The following NR1H2 variants were observed in gnomAD, a reference collection of about 807,000 sequenced individuals.
The protein encoded by NR1H2 is oxysterols receptor LXR-beta.
In NR1H2, 33 loss-of-function variants were observed where a neutral mutation model predicts 51.2. The ratio of observed to expected loss-of-function variants is 0.64; its 90% CI spans 0.49 to 0.86. The LOEUF (loss-of-function observed/expected upper bound fraction) is 0.86. NR1H2 is among the 40% of genes least tolerant of loss of function. The pLI is 0.00. For missense variants in NR1H2, 592 were observed against 639.9 expected, an observed-to-expected ratio of 0.93 and a Z score of 0.81; for synonymous variants, 310 against 264.3, an observed-to-expected ratio of 1.17 and a Z score of -1.68.
At chr19:50,381,931 G>A (rs773433838) in intron 8 of NR1H2, 35 bp from the exon 9 acceptor site, 67 of 1,524,958 alleles carry the variant, frequency 4.4e-5, no homozygotes, top group Non-Finnish European at 5.8e-5. Flanking sequence ...ACGGTTTCGG[G>A]CTGAGGGAGT....
chr19:50,377,739 G>A lies in NR1H2; in HGVS notation c.50G>A (p.Gly17Asp). Residue 17 changes from glycine to aspartate, a missense_variant, in exon 4 of 10, where the codon GGC (glycine) becomes GAC (aspartate). Coordinates refer to ENST00000253727, the MANE Select transcript of NR1H2 (RefSeq NM_007121.7). ...SSLDTPLPGN[G>D]PPQPGAPSSS... is the part of the protein sequence containing the mutation. ...GGATTCCACCCTCTTCCAGGAAATG[G>A]CCCCCCTCAGCCTGGCGCCCCTTCT... 2 of 1,604,668 alleles carry A rather than the reference G, an allele frequency of 1.2e-6. No homozygotes were observed. The highest frequency in any genetic ancestry group is 1.3e-5 in the African/African-American group (1 of 74,658).
At chr19:50,380,845 C>G (rs541855772) in intron 8 of NR1H2, among the ~76,000 whole-genome samples, 38 of 152,322 alleles carry the variant, frequency 2.5e-4, no homozygotes, top group African/African-American at 8.4e-4. Context: ...CCCTGGAACA[C>G]TGCCAGGGTC....
In NR1H2 at chr19:50,382,850, C is replaced by T. The variant is rs148041442; in HGVS notation, c.*248C>T. 2.3e-6 allele frequency: 1 copy of T among 425,622 alleles called. No homozygotes were observed. The highest frequency in any genetic ancestry group is 2.0e-5 in the African/African-American group (1 of 48,944). The allele number at this position is 425,622 out of a possible 1,614,324, so 26.4% of individuals were successfully genotyped here. ...CTTCCCGGCTGCCCTCCCTCCCCAGCTTACACCTCAAGCCCAGCACGCAGT... is the reference window on the plus strand; with the variant it reads ...CTTCCCGGCTGCCCTCCCTCCCCAGTTTACACCTCAAGCCCAGCACGCAGT... On this transcript the variant is annotated 3_prime_UTR_variant, in exon 10 of 10. Transcript: ENST00000253727.
chr19:50,380,002 AAGGTGAGAGTG>A (rs1322828622), intron 8 of NR1H2, 123 bp downstream of exon 8: 2 of 707,892 alleles, frequency 2.8e-6, no homozygotes, highest in African/African-American at 3.5e-5. Flanking sequence ...GGGTTGAGCC[AAGGTGAGAGTG>A]AGGTAAGAGT....
chr19:50,378,363 G>A lies in NR1H2; in HGVS notation c.396G>A (p.Gln132=). ...CCTGCCGGGGTGGCGGAACCTGCCA[G>A]ATGGACGCTTTCATGCGGCGCAAGT... ...RYACRGGGTC[Q]MDAFMRRKCQ... is the part of the protein sequence containing the mutation. The change falls in exon 5 of 10, where the codon CAG becomes CAA. Residue 132 remains glutamine, a synonymous_variant. Transcript: ENST00000253727. The A allele has an allele frequency of 6.2e-7, 1 of 1,611,502 alleles. No individual in the cohort carries two copies. The highest frequency in any genetic ancestry group is 1.3e-5 in the African/African-American group (1 of 75,032).
chr19:50,379,914 G>A (rs377327929), intron 8 of NR1H2, 35 bp downstream of exon 8: 46 of 1,402,826 alleles, frequency 3.3e-5, no homozygotes, highest in Non-Finnish European at 4.3e-5. Flanking sequence ...GAGGCTTGGC[G>A]CCCCTGCTGG....
At chr19:50,381,628 C>G (rs4802703) in intron 8 of NR1H2, among the ~76,000 whole-genome samples, 1 of 152,060 alleles carries the variant, frequency 6.6e-6, no homozygotes, top group Non-Finnish European at 1.5e-5. Flanking sequence ...ACGATGTGAC[C>G]TAGGTTTTAA....
chr19:50,378,073 G>GATC, intron 4 of NR1H2, 76 bp from the exon 5 acceptor site: 1 of 1,493,348 alleles, frequency 6.7e-7, no homozygotes, highest in South Asian at 1.3e-5. Context: ...TTTGCCTGGG[G>GATC]ATCTCCTGTG....
Position 50,380,596 on chromosome 19 carries a change from G to C in NR1H2, c.1027+717G>C, listed in dbSNP as rs568380580. Among the ~76,000 whole-genome samples the C allele has an allele frequency of 2.0e-5, 3 of 152,044 alleles. No homozygotes were observed. In the East Asian group the frequency reaches 5.8e-4, roughly 29 times the overall value. On this transcript the variant is annotated intron_variant, in intron 8 of 9. Transcript: ENST00000253727. ...CACCCTCTCCCCTTCCTCTTACTCC[G>C]GCCCTTTCACCACCCGAGACGGTCC...
Position 50,378,695 on chromosome 19 carries a change from G to A in NR1H2, c.646G>A (p.Gly216Ser), listed in dbSNP as rs961135139. The change falls in exon 6 of 10, where the codon GGT (glycine) becomes AGT (serine). Residue 216 changes from glycine (G) to serine (S), a missense_variant. Around this residue, in one of 3 missense-constraint regions of NR1H2, gnomAD observed 316 missense variants for 313.4 expected, o/e 1.01. Coordinates refer to ENST00000253727, the MANE Select transcript of NR1H2 (RefSeq NM_007121.7). ...CAGCCAGGGCTCCGGGGAAGGCGAGGGTGTCCAGCTAACAGCGGCTCAAGA... is the reference window on the plus strand; with the variant it reads ...CAGCCAGGGCTCCGGGGAAGGCGAGAGTGTCCAGCTAACAGCGGCTCAAGA... ...AGSQGSGEGE[G>S]VQLTAAQELM... The A allele has an allele frequency of 3.7e-6, 6 of 1,613,668 alleles. No homozygotes were observed. In the East Asian group the frequency reaches 6.7e-5, roughly 18 times the overall value.
chr19:50,382,235 T>G (rs2037782353), intron 9 of NR1H2, 61 bp downstream of exon 9: 1 of 1,444,704 alleles, frequency 6.9e-7, no homozygotes, highest in South Asian at 1.4e-5. Context: ...CGTGGTCCGT[T>G]CAGGCTGGGT....
At chr19:50,377,992 T>TA in intron 4 of NR1H2, 122 bp downstream of exon 4, 1 of 1,430,358 alleles carries the variant, frequency 7.0e-7, no homozygotes, top group Non-Finnish European at 9.3e-7. Context: ...CTCCTTAACA[T>TA]ATACATCTTT....
At chr19:50,381,542 G>A (rs985869983) in intron 8 of NR1H2, among the ~76,000 whole-genome samples, 1 of 152,206 alleles carries the variant, frequency 6.6e-6, no homozygotes, top group African/African-American at 2.4e-5. Context: ...GACATTTGAT[G>A]ACTGAATGAA....
rs1400190933 is a variant in NR1H2, at chr19:50,382,846, C to T, written c.*244C>T. 3 of 427,544 alleles carry T rather than the reference C, an allele frequency of 7.0e-6. No individual in the cohort carries two copies. The highest frequency in any genetic ancestry group is 1.3e-5 in the Non-Finnish European group (3 of 239,548). The allele number at this position is 427,544 out of a possible 1,614,324, so 26.5% of individuals were successfully genotyped here. A position where few individuals can be genotyped will look rare whatever the true frequency, so the allele number is the denominator to read the frequency against. ...GACCCTTCCCGGCTGCCCTCCCTCC[C>T]CAGCTTACACCTCAAGCCCAGCACG... On this transcript the variant is annotated 3_prime_UTR_variant, in exon 10 of 10. Coordinates refer to ENST00000253727, the MANE Select transcript of NR1H2 (RefSeq NM_007121.7).
intron 9 of NR1H2, 105 bp from the exon 10 acceptor site, chr19:50,382,351 G>A: frequency 6.9e-7 from 1 of 1,444,224 alleles, no homozygotes; most frequent in East Asian, 2.5e-5. Flanking sequence ...CCCCACGCTG[G>A]CTCCCACGCC....
chr19:50,378,765 A>G lies in NR1H2; in HGVS notation c.716A>G (p.Lys239Arg). ...QLVAAQLQCN[K>R]RSFSDQPKVT... ...GTGGCGGCCCAACTGCAGTGCAACA[A>G]ACGCTCCTTCTCCGACCAGCCCAAA... The change falls in exon 6 of 10, where the codon AAA becomes AGA. Residue 239 changes from lysine (K) to arginine (R), a missense_variant. Around this residue, in one of 3 missense-constraint regions of NR1H2, gnomAD observed 102 missense variants for 152.4 expected, o/e 0.67. Coordinates refer to ENST00000253727, the MANE Select transcript of NR1H2 (RefSeq NM_007121.7). 1 of 1,613,806 alleles carries G rather than the reference A, an allele frequency of 6.2e-7. No individual in the cohort carries two copies. The highest frequency in any genetic ancestry group is 1.1e-5 in the South Asian group (1 of 91,086).
In NR1H2 at chr19:50,382,691, G is replaced by A; in HGVS notation, c.*89G>A. 1 of 1,388,516 alleles carries A rather than the reference G, an allele frequency of 7.2e-7. No individual in the cohort carries two copies. Among genetic ancestry groups the A allele is most frequent in the Non-Finnish European group, 9.7e-7 (1 of 1,035,042 alleles). 86.0% of individuals were successfully genotyped at this position (1,388,516 alleles called of 1,614,324 possible). A position where few individuals can be genotyped will look rare whatever the true frequency, so the allele number is the denominator to read the frequency against. ...CCTTCCTCTTCCTAGGGTGGAAGGG[G>A]CCCTGGGCCGAGCCTGTAGACCTAT... On this transcript the variant is annotated 3_prime_UTR_variant, in exon 10 of 10. Coordinates refer to ENST00000253727, the MANE Select transcript of NR1H2 (RefSeq NM_007121.7).
Position 50,379,766 on chromosome 19 carries a change from G to T in NR1H2, c.928-14G>T, listed in dbSNP as rs114718888. Reference sequence around the variant, plus strand: ...TCACAGGGCTCAAGCTCCCCCTCCCGCTGCCGCCCTTAGATCATGCTGCTA... The same window carrying T: ...TCACAGGGCTCAAGCTCCCCCTCCCTCTGCCGCCCTTAGATCATGCTGCTA... On this transcript the variant is annotated splice_polypyrimidine_tract_variant and intron_variant, in intron 7 of 9. Transcript: ENST00000253727. The T allele has an allele frequency of 3.4e-5, 54 of 1,588,802 alleles. No homozygotes were observed. The highest frequency in any genetic ancestry group is 7.7e-5 in the South Asian group (7 of 90,574).
At chr19:50,381,752 A>G (rs1460423198) in intron 8 of NR1H2, among the ~76,000 whole-genome samples, 1 of 152,186 alleles carries the variant, frequency 6.6e-6, no homozygotes, top group Admixed American at 6.5e-5. Context: ...CTGAAGAAAC[A>G]TGCACCCTCA....
Sources: gnomAD v4.1 joint callset for allele counts (sites outside exome capture counted in the v4.1 genomes callset) on GRCh38, gnomAD v4.1.1 for gene constraint, gnomAD v4.1.1 regional missense constraint, MANE v1.5 for transcripts, NCBI Gene and HGNC (gene_info 2026-07-23, HGNC 2026-07-21) for gene names.